Variants in UBE2K observed in about 807,000 individuals in gnomAD.
UBE2K encodes the protein ubiquitin conjugating enzyme E2 K.
In UBE2K, 6 loss-of-function variants were observed where a neutral mutation model predicts 30.0. That is an observed-to-expected ratio of 0.20 (90% CI 0.11 to 0.39). UBE2K has a LOEUF of 0.39. Among genes scored for constraint, UBE2K ranks in the 10% least tolerant of loss-of-function variants. The pLI is 1.00. For synonymous variants in UBE2K, 86 were observed against 83.7 expected (o/e 1.03, Z -0.15); for missense variants, 61 against 241.6 (o/e 0.25, Z 4.96).
chr4:39,769,564 G>C (rs1168635900), intron 4 of UBE2K, among the ~76,000 whole-genome samples: 1 of 151,680 alleles, frequency 6.6e-6, no homozygotes, highest in Non-Finnish European at 1.5e-5. Flanking sequence ...TGCAAGAACT[G>C]TCTCCCCCTT....
intron 1 of UBE2K, among the ~76,000 whole-genome samples, chr4:39,713,190 T>A (rs576877872): frequency 6.6e-5 from 10 of 152,112 alleles, no homozygotes; most frequent in African/African-American, 2.4e-4. Context: ...ACTGCTTTTT[T>A]AAAAATTGGA....
intron 1 of UBE2K, among the ~76,000 whole-genome samples, chr4:39,704,344 T>C (rs1263333405): frequency 6.6e-6 from 1 of 152,076 alleles, no homozygotes; most frequent in Non-Finnish European, 1.5e-5. Context: ...TACAGTTTTA[T>C]GTAATATTTA....
At chr4:39,724,950 TTGTTG>T (rs1467272715) in intron 1 of UBE2K, among the ~76,000 whole-genome samples, 2 of 152,214 alleles carry the variant, frequency 1.3e-5, no homozygotes, top group African/African-American at 4.8e-5. Context: ...TTTGTTTACT[TTGTTG>T]TCTTGGGGTT....
intron 1 of UBE2K, among the ~76,000 whole-genome samples, chr4:39,735,382 G>C (rs372011608): frequency 6.6e-6 from 1 of 151,746 alleles, no homozygotes. Context: ...CTAAATTTTT[G>C]TGTTTTTGGT....
chr4:39,761,722 A>G (rs73240686), intron 4 of UBE2K, among the ~76,000 whole-genome samples: 15,846 of 152,222 alleles, frequency 0.1, 1,090 homozygotes, highest in East Asian at 0.22. Flanking sequence ...TTTGATCACT[A>G]CTTTGTAAAT....
chr4:39,765,179 C>T (rs930404181), intron 4 of UBE2K, among the ~76,000 whole-genome samples: 2 of 152,174 alleles, frequency 1.3e-5, no homozygotes, highest in Non-Finnish European at 1.5e-5. Flanking sequence ...GCCACTGTGT[C>T]TGGCCTACTT....
Position 39,722,169 on chromosome 4 carries a change from A to G in UBE2K, c.64-15251A>G, listed in dbSNP as rs186637678. ...TACGTAACGTTCACAGATTGTATAT[A>G]ATTGTATTCTTGGGTCTTTTACAAT... On this transcript the variant is annotated intron_variant, in intron 1 of 6. Transcript: ENST00000261427. 1.1e-3 allele frequency among the ~76,000 whole-genome samples: 170 copies of G among 152,274 alleles called. 2 individuals carry two copies. The highest frequency in any genetic ancestry group is 0.01 in the South Asian group (50 of 4,828).
intron 5 of UBE2K, 33 bp downstream of exon 5, chr4:39,774,966 AT>A: frequency 1.4e-6 from 2 of 1,465,934 alleles, no homozygotes; most frequent in Non-Finnish European, 1.9e-6. Context: ...ACTTTCTTAT[AT>A]TATGTATGAG....
At chr4:39,765,607 G>T (rs1438508115) in intron 4 of UBE2K, among the ~76,000 whole-genome samples, 1 of 151,914 alleles carries the variant, frequency 6.6e-6, no homozygotes, top group Non-Finnish European at 1.5e-5. Flanking sequence ...ATCACCTGAG[G>T]TCAGGAGTTC....
chr4:39,750,930 A>G (rs981599833), intron 3 of UBE2K, among the ~76,000 whole-genome samples: 11 of 151,708 alleles, frequency 7.3e-5, no homozygotes, highest in Non-Finnish European at 1.2e-4. Context: ...TATTTTGTAG[A>G]GATGGGGTTT....
rs1713590682 is a variant in UBE2K at position 39,781,216 on chromosome 4, GA to G, written c.*2784del. The G allele has an allele frequency of 6.6e-6, 1 of 152,034 alleles. No individual in the cohort carries two copies. The highest frequency in any genetic ancestry group is 1.5e-5 in the Non-Finnish European group (1 of 67,952). 9.4% of individuals were successfully genotyped at this position (152,034 alleles called of 1,614,324 possible). A position where few individuals can be genotyped will look rare whatever the true frequency, so the allele number is the denominator to read the frequency against. The stretch of plus-strand genomic sequence containing the variant: ...CTGAGTTGGCACCCCGAAATGTTTG[GA>G]ATCACGACTATGATTTACTTAAACA... On this transcript the variant is annotated 3_prime_UTR_variant, in exon 7 of 7. Transcript: ENST00000261427.
At chr4:39,701,019 G>A (rs1291409290) in intron 1 of UBE2K, among the ~76,000 whole-genome samples, 2 of 152,118 alleles carry the variant, frequency 1.3e-5, no homozygotes, top group Non-Finnish European at 2.9e-5. Context: ...TCTGTGTAGA[G>A]AGTTGGGTGT....
intron 1 of UBE2K, among the ~76,000 whole-genome samples, chr4:39,728,796 G>A (rs1719897246): frequency 6.7e-6 from 1 of 150,082 alleles, no homozygotes; most frequent in Non-Finnish European, 1.5e-5. Context: ...CCGCCACCAC[G>A]CCCGGCTAGT....
At position 39,782,622 on chromosome 4, in the gene UBE2K, G is replaced by T. The variant is rs1308760632; in HGVS notation, c.*4188G>T. 6.6e-6 allele frequency: 1 copy of T among 152,150 alleles called. No homozygotes were observed. Among genetic ancestry groups the T allele is most frequent in the Non-Finnish European group, 1.5e-5 (1 of 68,026 alleles). 9.4% of individuals were successfully genotyped at this position (152,150 alleles called of 1,614,324 possible). On this transcript the variant is annotated 3_prime_UTR_variant, in exon 7 of 7. Transcript: ENST00000261427. Reference sequence around the variant, plus strand: ...TTACCAGAAATACCATTGAAGCAGGGTGGGCTGTGGGGTGGAAGGTTGGGG... The same window carrying T: ...TTACCAGAAATACCATTGAAGCAGGTTGGGCTGTGGGGTGGAAGGTTGGGG...
intron 4 of UBE2K, chr4:39,771,267 G>A (rs1712806426): frequency 3.1e-6 from 5 of 1,611,736 alleles, no homozygotes; most frequent in African/African-American, 2.7e-5. Context: ...GGTCCCGCAG[G>A]AACGGTGAGC....
intron 1 of UBE2K, among the ~76,000 whole-genome samples, chr4:39,714,723 T>A (rs1223936783): frequency 1.9e-4 from 28 of 149,814 alleles, no homozygotes; most frequent in African/African-American, 6.2e-4. Context: ...AATTTTTTTT[T>A]ATATTTTTAG....
intron 5 of UBE2K, among the ~76,000 whole-genome samples, chr4:39,776,965 C>T (rs575261255): frequency 8.6e-5 from 13 of 152,040 alleles, no homozygotes; most frequent in African/African-American, 3.1e-4. Flanking sequence ...CTAGATTTAT[C>T]GTTTTAATAT....
At position 39,781,005 on chromosome 4, in the gene UBE2K, C is replaced by G. The variant is rs1713579296; in HGVS notation, c.*2571C>G. On this transcript the variant is annotated 3_prime_UTR_variant, in exon 7 of 7. Coordinates refer to ENST00000261427, the MANE Select transcript of UBE2K (RefSeq NM_005339.5). ...CGATTTGTTAGAAGTCACTGATGCT[C>G]CAGTAGGCTTTTGTTATAATCAGGC... 6.6e-6 allele frequency: 1 copy of G among 152,178 alleles called. No individual in the cohort carries two copies. Among genetic ancestry groups the G allele is most frequent in the Non-Finnish European group, 1.5e-5 (1 of 67,978 alleles). The allele number at this position is 152,178 out of a possible 1,614,324, so 9.4% of individuals were successfully genotyped here. A position where few individuals can be genotyped will look rare whatever the true frequency, so the allele number is the denominator to read the frequency against.
At chr4:39,770,826 G>C (rs1712752203) in intron 4 of UBE2K, 3 of 1,547,520 alleles carry the variant, frequency 1.9e-6, no homozygotes, top group Admixed American at 2.0e-5. Context: ...GCAGATGTCA[G>C]ATACGTCCTC....
Sources: gnomAD v4.1 joint callset for allele counts (sites outside exome capture counted in the v4.1 genomes callset) on GRCh38, gnomAD v4.1.1 for gene constraint, MANE v1.5 for transcripts, NCBI Gene and HGNC (gene_info 2026-07-23, HGNC 2026-07-21) for gene names.